The following CACNA2D1 variants were observed in gnomAD, a reference collection of about 807,000 sequenced individuals.
The protein encoded by CACNA2D1 is calcium voltage-gated channel auxiliary subunit alpha2delta 1, also known as voltage-dependent calcium channel subunit alpha-2/delta-1.
CACNA2D1 carries 53 observed loss-of-function variants against 171.5 expected under a neutral mutation model. The observed-to-expected ratio is 0.31, with a 90% CI of 0.25 to 0.39. The LOEUF (loss-of-function observed/expected upper bound fraction) is 0.39. CACNA2D1 is among the 10% of genes least tolerant of loss of function. The pLI, the probability that CACNA2D1 is intolerant of heterozygous loss-of-function variation, is 1.00. For synonymous variants in CACNA2D1, 442 were observed against 443.1 expected, an observed-to-expected ratio of 1.00 and a Z score of 0.03; for missense variants, 903 against 1,299.8, an observed-to-expected ratio of 0.69 and a Z score of 4.69.
intron 1 of CACNA2D1, among the ~76,000 whole-genome samples, chr7:82,428,144 C>T (rs996200777): frequency 6.6e-6 from 1 of 150,832 alleles, no homozygotes; most frequent in African/African-American, 2.4e-5. Context: ...AGGCTGCAAC[C>T]ACACCATATA....
At chr7:82,396,902 A>C (rs1563489848) in intron 1 of CACNA2D1, among the ~76,000 whole-genome samples, 1 of 152,202 alleles carries the variant, frequency 6.6e-6, no homozygotes, top group Non-Finnish European at 1.5e-5. Context: ...TTAACTGAAA[A>C]CAAAAGTCTA....
intron 7 of CACNA2D1, 30 bp from the exon 8 acceptor site, chr7:82,066,554 A>T: frequency 6.3e-7 from 1 of 1,577,620 alleles, no homozygotes; most frequent in Non-Finnish European, 8.6e-7. Flanking sequence ...AGAGATATTA[A>T]ATCAAAATAT....
chr7:82,066,177 C>G (rs1807576612), intron 8 of CACNA2D1, among the ~76,000 whole-genome samples: 1 of 152,080 alleles, frequency 6.6e-6, no homozygotes, highest in African/African-American at 2.4e-5. Context: ...CCATAGAAAT[C>G]CATACCAGCT....
At chr7:82,269,650 C>T (rs552913316) in intron 3 of CACNA2D1, among the ~76,000 whole-genome samples, 111 of 152,270 alleles carry the variant, frequency 7.3e-4, no homozygotes, top group African/African-American at 2.6e-3. Flanking sequence ...CAGACACTGT[C>T]CTTCAACTCT....
At chr7:82,438,212 G>A (rs1437788424) in intron 1 of CACNA2D1, among the ~76,000 whole-genome samples, 1 of 152,136 alleles carries the variant, frequency 6.6e-6, no homozygotes, top group Non-Finnish European at 1.5e-5. Context: ...GAAAACAGTT[G>A]TGGACTGACA....
intron 3 of CACNA2D1, among the ~76,000 whole-genome samples, chr7:82,303,020 G>C (rs1813225887): frequency 6.6e-6 from 1 of 151,964 alleles, no homozygotes; most frequent in African/African-American, 2.4e-5. Flanking sequence ...TTGAGACAGA[G>C]TCTCCCTCTG....
intron 3 of CACNA2D1, among the ~76,000 whole-genome samples, chr7:82,311,902 T>C (rs575490794): frequency 6.6e-6 from 1 of 152,246 alleles, no homozygotes; most frequent in Admixed American, 6.5e-5. Flanking sequence ...CCCGACCTTG[T>C]TGTGATAAGT....
In CACNA2D1 at chr7:82,061,115, G is replaced by C. The variant is rs888139901; in HGVS notation, c.780-588C>G. On this transcript the variant is annotated intron_variant, in intron 9 of 38. Transcript: ENST00000356860. Reference sequence around the variant, plus strand: ...ACTAACCCCCACTTCTACATCTCTAGCTCCCAACACTTTCCTGGTTTTATC... The same window carrying C: ...ACTAACCCCCACTTCTACATCTCTACCTCCCAACACTTTCCTGGTTTTATC... Among the ~76,000 whole-genome samples, 3 of 152,084 alleles carry C rather than the reference G, an allele frequency of 2.0e-5. No homozygotes were observed. In the East Asian group the frequency reaches 5.8e-4, roughly 29 times the overall value.
chr7:81,967,990 G>A (rs2130380544), intron 29 of CACNA2D1, among the ~76,000 whole-genome samples: 1 of 151,644 alleles, frequency 6.6e-6, no homozygotes, highest in East Asian at 1.9e-4. Context: ...ACCAGTGCTT[G>A]CAGTAGGTGC....
rs3083237 is a variant in CACNA2D1 at position 81,978,801 on chromosome 7, C to CAT, written c.1955+3764_1955+3765dup. Among the ~76,000 whole-genome samples, 1,339 of 141,550 alleles carry CAT rather than the reference C, an allele frequency of 9.5e-3. 11 individuals are homozygous for CAT. Among genetic ancestry groups the CAT allele is most frequent in the South Asian group, 0.026 (113 of 4,420 alleles). The allele number at this position is 141,550 out of a possible 152,430, so 92.9% of individuals were successfully genotyped here. On this transcript the variant is annotated intron_variant, in intron 24 of 38. Transcript: ENST00000356860. ...CACACACACACTGTTCAAAACAGCA[C>CAT]ATATATATATATATATATATTTATT...
chr7:82,404,421 A>T (rs1193670949), intron 1 of CACNA2D1, among the ~76,000 whole-genome samples: 2 of 152,192 alleles, frequency 1.3e-5, no homozygotes, highest in African/African-American at 4.8e-5. Flanking sequence ...GGCCTTCCCC[A>T]GATCTTAATT....
intron 1 of CACNA2D1, among the ~76,000 whole-genome samples, chr7:82,388,332 T>C (rs975650548): frequency 6.6e-5 from 10 of 152,334 alleles, no homozygotes; most frequent in Middle Eastern, 3.4e-3. Flanking sequence ...AATGGACATG[T>C]GACAAACTAC....
At chr7:82,314,144 A>G (rs1814808089) in intron 3 of CACNA2D1, among the ~76,000 whole-genome samples, 1 of 152,202 alleles carries the variant, frequency 6.6e-6, no homozygotes, top group African/African-American at 2.4e-5. Context: ...CTGAATCCCA[A>G]AGGATCAAAG....
chr7:82,258,821 T>C (rs886077516), intron 3 of CACNA2D1, among the ~76,000 whole-genome samples: 4 of 113,122 alleles, frequency 3.5e-5, no homozygotes, highest in South Asian at 2.9e-4. Flanking sequence ...ACTTTTCTTT[T>C]TTTTTTTTTT....
chr7:82,291,884 T>C (rs1011620932), intron 3 of CACNA2D1, among the ~76,000 whole-genome samples: 1 of 151,830 alleles, frequency 6.6e-6, no homozygotes, highest in Admixed American at 6.6e-5. Context: ...AAAACTGCTA[T>C]ACATTTTTAA....
At chr7:82,025,295 G>T (rs1801743870) in intron 12 of CACNA2D1, among the ~76,000 whole-genome samples, 1 of 151,372 alleles carries the variant, frequency 6.6e-6, no homozygotes, top group African/African-American at 2.4e-5. Context: ...TCTTTCCATT[G>T]GTGTCTTCTT....
intron 6 of CACNA2D1, among the ~76,000 whole-genome samples, chr7:82,086,920 ATTCCTATTATCC>A (rs1255771551): frequency 6.6e-6 from 1 of 152,172 alleles, no homozygotes; most frequent in Non-Finnish European, 1.5e-5. Context: ...GCTCTACAAT[ATTCCTATTATCC>A]TGGCAATATG....
At chr7:82,312,540 A>G (rs1329960862) in intron 3 of CACNA2D1, among the ~76,000 whole-genome samples, 14 of 140,812 alleles carry the variant, frequency 9.9e-5, no homozygotes, top group Admixed American at 9.5e-4. Flanking sequence ...TTGAGACAAG[A>G]GTCTTACTCT....
intron 1 of CACNA2D1, among the ~76,000 whole-genome samples, chr7:82,351,866 C>T (rs1010768544): frequency 6.6e-6 from 1 of 152,058 alleles, no homozygotes; most frequent in African/African-American, 2.4e-5. Context: ...CTGAACAAGT[C>T]CTAGAACCTA....
Sources: gnomAD v4.1 joint callset for allele counts (sites outside exome capture counted in the v4.1 genomes callset) on GRCh38, gnomAD v4.1.1 for gene constraint, MANE v1.5 for transcripts, NCBI Gene and HGNC (gene_info 2026-07-23, HGNC 2026-07-21) for gene names.